The following LINS1 variants were observed in gnomAD, a reference collection of about 807,000 sequenced individuals.
The protein encoded by LINS1 is protein Lines homolog 1.
In LINS1, 27 loss-of-function variants were observed where a neutral mutation model predicts 41.6. The observed-to-expected ratio is 0.65, with a 90% CI of 0.48 to 0.89. The LOEUF is 0.89. Among genes scored for constraint, LINS1 ranks in the 40% least tolerant of loss-of-function variants. The pLI, the probability that LINS1 is intolerant of heterozygous loss-of-function variation, is 0.00. For missense variants in LINS1, 955 were observed against 884.1 expected, an observed-to-expected ratio of 1.08 and a Z score of -1.02; for synonymous variants, 336 against 312.9, an observed-to-expected ratio of 1.07 and a Z score of -0.78.
chr15:100,600,564 A>AAAAAAAAAAAAAAAAC (rs2039441904), intron 1 of LINS1, among the ~76,000 whole-genome samples: 1 of 147,094 alleles, frequency 6.8e-6, no homozygotes, highest in Non-Finnish European at 1.5e-5. Flanking sequence ...AAAAAAAAAA[A>AAAAAAAAAAAAAAAAC]AAAAAAACAG....
At chr15:100,572,123 T>C in intron 5 of LINS1, 58 bp from the exon 6 acceptor site, 1 of 1,600,148 alleles carries the variant, frequency 6.2e-7, no homozygotes, top group Non-Finnish European at 8.5e-7. Flanking sequence ...ATGAATATCT[T>C]GCCTATATAT....
chr15:100,600,551 CAAAA>C lies in LINS1; in HGVS notation c.-104+1566_-104+1569del, dbSNP rs56911211. 8.3e-4 allele frequency among the ~76,000 whole-genome samples: 66 copies of C among 79,678 alleles called. 5 individuals carry two copies. The highest frequency in any genetic ancestry group is 2.0e-3 in the Admixed American group (16 of 8,030). The allele number at this position is 79,678 out of a possible 152,430, so 52.3% of individuals were successfully genotyped here. A position where few individuals can be genotyped will look rare whatever the true frequency, so the allele number is the denominator to read the frequency against. ...TTTACATTGGAGTCCTGCTGTTAAGCAAAAAAAAAAAAAAAAAAAACAGGGAGAA... is the reference window on the plus strand; with the variant it reads ...TTTACATTGGAGTCCTGCTGTTAAGCAAAAAAAAAAAAAAAACAGGGAGAA... On this transcript the variant is annotated intron_variant, in intron 1 of 6. Transcript: ENST00000314742.
At chr15:100,594,166 T>C (rs1432490230) in intron 1 of LINS1, among the ~76,000 whole-genome samples, 1 of 152,264 alleles carries the variant, frequency 6.6e-6, no homozygotes, top group Non-Finnish European at 1.5e-5. Context: ...AAGTGATGTG[T>C]AAATAGTTGT....
At chr15:100,587,098 G>T (rs1321603411) in intron 1 of LINS1, among the ~76,000 whole-genome samples, 1 of 144,908 alleles carries the variant, frequency 6.9e-6, no homozygotes, top group Non-Finnish European at 1.5e-5. Context: ...GGCAGAGGTT[G>T]CAGTGAGCCA....
At chr15:100,579,852 A>G (rs961352631) in intron 3 of LINS1, among the ~76,000 whole-genome samples, 1 of 152,206 alleles carries the variant, frequency 6.6e-6, no homozygotes, top group African/African-American at 2.4e-5. Flanking sequence ...GAATCTGCAG[A>G]AAGTTATGGA....
intron 1 of LINS1, among the ~76,000 whole-genome samples, chr15:100,591,521 C>G (rs1325559587): frequency 6.6e-6 from 1 of 152,208 alleles, no homozygotes; most frequent in African/African-American, 2.4e-5. Flanking sequence ...TAGGCCCCAA[C>G]AGACCAAACC....
Position 100,569,571 on chromosome 15 carries a change from A to G in LINS1, c.1941T>C (p.Ser647=). 6.2e-7 allele frequency: 1 copy of G among 1,614,148 alleles called. No homozygotes were observed. The highest frequency in any genetic ancestry group is 1.3e-5 in the African/African-American group (1 of 75,012). Residue 647 remains serine, a synonymous_variant, in exon 7 of 7, where the codon AGT becomes AGC. Coordinates refer to ENST00000314742, the MANE Select transcript of LINS1 (RefSeq NM_001040616.3). ...VESTEQCLAN[S]KQTSLHQQAT... is the part of the protein sequence containing the mutation. ...CTTGCTGGTGTAAAGATGTCTGTTT[A>G]CTGTTAGCTAAACACTGCTCTGTGG...
intron 1 of LINS1, among the ~76,000 whole-genome samples, chr15:100,599,985 G>T (rs2039410024): frequency 6.6e-6 from 1 of 152,186 alleles, no homozygotes; most frequent in Admixed American, 6.5e-5. Flanking sequence ...AGAACTGCTT[G>T]AACCTGGGAG....
intron 3 of LINS1, among the ~76,000 whole-genome samples, chr15:100,577,632 C>A (rs2038263355): frequency 6.6e-6 from 1 of 152,216 alleles, no homozygotes; most frequent in Non-Finnish European, 1.5e-5. Flanking sequence ...CCATCCCCAT[C>A]AAGCTACCAA....
In LINS1 at chr15:100,571,934, C is replaced by A; in HGVS notation, c.1354G>T (p.Ala452Ser). 1 of 1,614,216 alleles carries A rather than the reference C, an allele frequency of 6.2e-7. No individual in the cohort carries two copies. The highest frequency in any genetic ancestry group is 1.1e-5 in the South Asian group (1 of 91,092). The change falls in exon 6 of 7, where the codon GCT becomes TCT. Residue 452 changes from alanine to serine, a missense_variant. Ala to Ser is a moderately conservative substitution (Grantham distance 99, BLOSUM62 1). Coordinates refer to ENST00000314742, the MANE Select transcript of LINS1 (RefSeq NM_001040616.3). ...FIEQDDDMLEAAKASLGIYLT... is the reference protein window; with the variant it reads ...FIEQDDDMLESAKASLGIYLT... ...TAGATGCCCAGTGATGCCTTGGCAG[C>A]CTCCAGCATGTCATCGTCTTGTTCT... is the stretch of plus-strand genomic sequence containing the variant.
intron 3 of LINS1, among the ~76,000 whole-genome samples, chr15:100,579,334 C>T (rs2038388140): frequency 6.6e-6 from 1 of 151,658 alleles, no homozygotes; most frequent in Admixed American, 6.6e-5. Context: ...CTACTGGATT[C>T]TAAGTTTCAA....
At chr15:100,574,642 G>C (rs1037531718) in intron 4 of LINS1, among the ~76,000 whole-genome samples, 3 of 152,062 alleles carry the variant, frequency 2.0e-5, no homozygotes, top group African/African-American at 7.2e-5. Context: ...CGCAAGGCAG[G>C]GGTTGCAGTG....
intron 3 of LINS1, among the ~76,000 whole-genome samples, chr15:100,580,016 A>G (rs1376276371): frequency 6.6e-6 from 1 of 152,178 alleles, no homozygotes; most frequent in Admixed American, 6.5e-5. Flanking sequence ...TATTAATACA[A>G]ATATCTGAAG....
chr15:100,584,116 C>CCAT (rs2038691120), intron 1 of LINS1, among the ~76,000 whole-genome samples: 1 of 152,048 alleles, frequency 6.6e-6, no homozygotes, highest in Non-Finnish European at 1.5e-5. Flanking sequence ...AAGTCTAATT[C>CCAT]CATTGCACTT....
intron 6 of LINS1, among the ~76,000 whole-genome samples, chr15:100,570,871 T>C (rs1345636367): frequency 1.3e-5 from 2 of 152,164 alleles, no homozygotes; most frequent in Admixed American, 6.5e-5. Context: ...AAACTATCTA[T>C]GTTGTAAGCA....
chr15:100,572,016 A>G lies in LINS1; in HGVS notation c.1272T>C (p.His424=). 1 of 1,614,244 alleles carries G rather than the reference A, an allele frequency of 6.2e-7. No individual in the cohort carries two copies. The highest frequency in any genetic ancestry group is 1.1e-5 in the South Asian group (1 of 91,088). Residue 424 remains histidine (H), a synonymous_variant, in exon 6 of 7, where the codon CAT becomes CAC. Coordinates refer to ENST00000314742, the MANE Select transcript of LINS1 (RefSeq NM_001040616.3). ...MSELLTFLKP[H]LQPSLQLHNP... ...TGTGTAATTGCAGAGAGGGCTGAAGATGAGGCTTTAAGAAGGTCAGTAACT... is the reference window on the plus strand; with the variant it reads ...TGTGTAATTGCAGAGAGGGCTGAAGGTGAGGCTTTAAGAAGGTCAGTAACT...
intron 3 of LINS1, among the ~76,000 whole-genome samples, chr15:100,579,244 T>C (rs1243427914): frequency 6.6e-6 from 1 of 151,684 alleles, no homozygotes; most frequent in African/African-American, 2.4e-5. Context: ...AAAAAAACCA[T>C]GTCTTGGTAA....
At position 100,572,317 on chromosome 15, in the gene LINS1, C is replaced by A. The variant is rs2037876402; in HGVS notation, c.1223-252G>T. The A allele has an allele frequency of 2.3e-6, 3 of 1,277,842 alleles. No individual in the cohort carries two copies. In the East Asian group the frequency reaches 1.2e-4, roughly 50 times the overall value. 79.2% of individuals were successfully genotyped at this position (1,277,842 alleles called of 1,614,324 possible). A position where few individuals can be genotyped will look rare whatever the true frequency, so the allele number is the denominator to read the frequency against. On this transcript the variant is annotated intron_variant, in intron 5 of 6. Transcript: ENST00000314742. ...CAGCTACATCATCTATTTGCAACAA[C>A]TGCCTAACAACTGTCTCTTAGAAAT...
intron 1 of LINS1, among the ~76,000 whole-genome samples, chr15:100,587,544 TCTC>T (rs1354598119): frequency 6.6e-6 from 1 of 152,196 alleles, no homozygotes; most frequent in Non-Finnish European, 1.5e-5. Context: ...TGCTGTTTAT[TCTC>T]CTCTGGGCTT....
Sources: allele counts gnomAD v4.1 joint callset (sites outside exome capture counted in the v4.1 genomes callset), GRCh38; gene constraint gnomAD v4.1.1; transcripts MANE v1.5; gene names NCBI Gene and HGNC (gene_info 2026-07-23, HGNC 2026-07-21).